The following DYM variants were observed in gnomAD, a reference collection of about 807,000 sequenced individuals.
DYM encodes dymeclin.
In DYM, 78 loss-of-function variants were observed where a neutral mutation model predicts 93.1. That is an observed-to-expected ratio of 0.84 (90% CI 0.70 to 1.01). DYM has a LOEUF of 1.01. DYM is among the 50% of genes least tolerant of loss of function. DYM has a pLI of 0.00. For missense variants in DYM, 789 were observed against 845.0 expected (o/e 0.93, Z 0.82); for synonymous variants, 321 against 319.7 (o/e 1.00, Z -0.04).
chr18:49,178,761 A>G (rs1013512657), intron 14 of DYM, among the ~76,000 whole-genome samples: 1 of 152,290 alleles, frequency 6.6e-6, no homozygotes, highest in South Asian at 2.1e-4. Context: ...TATTATAACT[A>G]CCGATAATTA....
intron 8 of DYM, among the ~76,000 whole-genome samples, chr18:49,292,312 ACAGG>A (rs60150235): frequency 0.38 from 40,734 of 108,246 alleles, 9,139 homozygotes; most frequent in Non-Finnish European, 0.47. Context: ...AGACAGACAG[ACAGG>A]CAGGCAGGCA....
At chr18:49,196,466 C>T (rs1004494534) in intron 14 of DYM, among the ~76,000 whole-genome samples, 27 of 141,462 alleles carry the variant, frequency 1.9e-4, no homozygotes, top group African/African-American at 6.7e-4. Flanking sequence ...CACACACACA[C>T]ATTTTCTGCC....
intron 13 of DYM, among the ~76,000 whole-genome samples, chr18:49,246,555 G>GT (rs5824782): frequency 0.27 from 41,673 of 152,050 alleles, 7,061 homozygotes; most frequent in African/African-American, 0.48. Context: ...AGATGACTTG[G>GT]TTTTTTGTCT....
At chr18:49,411,134 G>A (rs1454287675) in intron 2 of DYM, among the ~76,000 whole-genome samples, 1 of 152,092 alleles carries the variant, frequency 6.6e-6, no homozygotes, top group Non-Finnish European at 1.5e-5. Context: ...CACGGTATAA[G>A]AATAAACATA....
chr18:49,209,744 CAGAA>C lies in DYM; in HGVS notation c.1461-33_1461-30del, dbSNP rs1213222903. 16 of 1,197,142 alleles carry C rather than the reference CAGAA, an allele frequency of 1.3e-5. No homozygotes were observed. In the African/African-American group the frequency reaches 1.7e-4, roughly 13 times the overall value. 74.2% of individuals were successfully genotyped at this position (1,197,142 alleles called of 1,614,324 possible). Reference sequence around the variant, plus strand: ...AAAGACAAAGGTAAAAGGAGAGAAACAGAAAGAGAGGAGTTTTCCTTTGAAAAAA... The same window carrying C: ...AAAGACAAAGGTAAAAGGAGAGAAACAGAGAGGAGTTTTCCTTTGAAAAAA... On this transcript the variant is annotated intron_variant, in intron 13 of 17. Coordinates refer to ENST00000675505, the MANE Select transcript of DYM (RefSeq NM_001353214.3).
chr18:49,389,141 C>A (rs912637587), intron 3 of DYM, among the ~76,000 whole-genome samples: 1 of 152,136 alleles, frequency 6.6e-6, no homozygotes, highest in African/African-American at 2.4e-5. Context: ...AGTGATTACA[C>A]ATGTACTGTT....
chr18:49,426,755 A>ACGTGTG (rs201910559), intron 2 of DYM, among the ~76,000 whole-genome samples: 5,317 of 147,776 alleles, frequency 0.036, 170 homozygotes, highest in East Asian at 0.17. Flanking sequence ...ACTGGAAAAC[A>ACGTGTG]TGTGTGTGTG....
chr18:49,173,013 G>GT (rs35994544), intron 14 of DYM, among the ~76,000 whole-genome samples: 16 of 147,854 alleles, frequency 1.1e-4, no homozygotes, highest in East Asian at 2.0e-4. Context: ...TGGTTTGGGT[G>GT]TTTTTTTTTT....
At chr18:49,202,434 G>A (rs899401190) in intron 14 of DYM, among the ~76,000 whole-genome samples, 1 of 146,176 alleles carries the variant, frequency 6.8e-6, no homozygotes, top group Non-Finnish European at 1.5e-5. Flanking sequence ...GAAGTGAGGA[G>A]TGTCTCTGCC....
intron 2 of DYM, among the ~76,000 whole-genome samples, chr18:49,426,545 T>TA (rs2074308781): frequency 6.6e-6 from 1 of 151,110 alleles, no homozygotes; most frequent in African/African-American, 2.5e-5. Context: ...TAAAGTATAA[T>TA]AAAAAATAAT....
intron 16 of DYM, among the ~76,000 whole-genome samples, chr18:49,099,167 A>T (rs947290801): frequency 6.6e-6 from 1 of 152,242 alleles, no homozygotes; most frequent in Admixed American, 6.5e-5. Context: ...GTAATTAAAA[A>T]GTAGATAGAT....
At position 49,181,259 on chromosome 18, in the gene DYM, C is replaced by T. The variant is rs138934676; in HGVS notation, c.1626-17472G>A. The stretch of plus-strand genomic sequence containing the variant: ...AAACCCAAAGCAAAATGAATGTTTC[C>T]GTGGAACAGCATGATTTTGAGATCA... On this transcript the variant is annotated intron_variant, in intron 14 of 17. Coordinates refer to ENST00000675505, the MANE Select transcript of DYM (RefSeq NM_001353214.3). Among the ~76,000 whole-genome samples the T allele has an allele frequency of 1.8e-3, 275 of 152,148 alleles. 2 individuals are homozygous for T. The highest frequency in any genetic ancestry group is 6.2e-3 in the African/African-American group (257 of 41,520).
At position 49,040,829 on chromosome 18, in the gene DYM, G is replaced by A. The variant is rs187654479; in HGVS notation, c.*3226C>T. Among the ~76,000 whole-genome samples the A allele has an allele frequency of 5.1e-4, 78 of 152,256 alleles. No individual in the cohort carries two copies. Among genetic ancestry groups the A allele is most frequent in the Middle Eastern group, 6.8e-3 (2 of 292 alleles). ...CACCCAATGCAAAACCCTGGCTCCC[G>A]GAATCTAAAGGACGAAATGTTGCTT... On this transcript the variant is annotated 3_prime_UTR_variant, in exon 18 of 18. Coordinates refer to ENST00000675505, the MANE Select transcript of DYM (RefSeq NM_001353214.3).
chr18:49,452,044 A>G (rs1182597074), intron 1 of DYM, among the ~76,000 whole-genome samples: 7 of 152,158 alleles, frequency 4.6e-5, no homozygotes, highest in Non-Finnish European at 8.8e-5. Context: ...AGGGTTATAC[A>G]TGGCAGTGTG....
chr18:49,101,787 C>T (rs550101042), intron 16 of DYM, among the ~76,000 whole-genome samples: 1 of 152,210 alleles, frequency 6.6e-6, no homozygotes, highest in South Asian at 2.1e-4. Context: ...GAGGAGCTCT[C>T]CCGAGGATTT....
chr18:49,412,719 G>C (rs528562242), intron 2 of DYM, among the ~76,000 whole-genome samples: 1 of 152,136 alleles, frequency 6.6e-6, no homozygotes, highest in Non-Finnish European at 1.5e-5. Flanking sequence ...TGAACATAAA[G>C]TGTGCCAAAG....
chr18:49,456,724 T>C lies in DYM; in HGVS notation c.-54+3674A>G, dbSNP rs372795097. 2.0e-5 allele frequency among the ~76,000 whole-genome samples: 3 copies of C among 152,284 alleles called. No homozygotes were observed. In the South Asian group the frequency reaches 6.2e-4, roughly 32 times the overall value. On this transcript the variant is annotated intron_variant, in intron 1 of 17. Coordinates refer to ENST00000675505, the MANE Select transcript of DYM (RefSeq NM_001353214.3). ...TATGTAAAGTTGTTCCCAGCCCCAC[T>C]AGTTCATTTTGTCTAGAATTAAGTA...
chr18:49,092,562 T>C lies in DYM; in HGVS notation c.2025+4840A>G, dbSNP rs74533787. Among the ~76,000 whole-genome samples the C allele has an allele frequency of 2.6e-3, 391 of 152,336 alleles. 2 individuals carry two copies. The highest frequency in any genetic ancestry group is 9.2e-3 in the African/African-American group (382 of 41,576). Reference sequence around the variant, plus strand: ...TTTTCTGAGGGCAGAGGTGGTGTCTTACACACTTCTGTTTCCCCAACGTCC... The same window carrying C: ...TTTTCTGAGGGCAGAGGTGGTGTCTCACACACTTCTGTTTCCCCAACGTCC... On this transcript the variant is annotated intron_variant, in intron 17 of 17. Coordinates refer to ENST00000675505, the MANE Select transcript of DYM (RefSeq NM_001353214.3).
intron 6 of DYM, among the ~76,000 whole-genome samples, chr18:49,362,693 C>A (rs1355344566): frequency 1.3e-5 from 2 of 152,262 alleles, no homozygotes; most frequent in East Asian, 3.9e-4. Context: ...CCAGAGGTTT[C>A]ATTGGAGGAC....
Sources: gnomAD v4.1 joint callset for allele counts (sites outside exome capture counted in the v4.1 genomes callset) on GRCh38, gnomAD v4.1.1 for gene constraint, MANE v1.5 for transcripts, NCBI Gene and HGNC (gene_info 2026-07-23, HGNC 2026-07-21) for gene names.